GLRA2: variants seen among roughly 807,000 people sequenced by gnomAD.
GLRA2 encodes the protein glycine receptor subunit alpha-2.
Under a neutral mutation model 31.6 loss-of-function variants are expected in GLRA2, and 11 were observed. That is an observed-to-expected ratio of 0.35 (90% confidence interval 0.22 to 0.58). The LOEUF (loss-of-function observed/expected upper bound fraction) is 0.58. Ranked by LOEUF, GLRA2 falls within the 20% of genes least tolerant of loss-of-function variation. The probability of loss-of-function intolerance (pLI) is 0.84; values close to 1 mark genes in which losing one functional copy is unlikely to be tolerated. For synonymous variants in GLRA2, 132 were observed against 134.0 expected, an observed-to-expected ratio of 0.99 and a Z score of 0.10; for missense variants, 212 against 351.8, an observed-to-expected ratio of 0.60 and a Z score of 3.18.
rs183018782 is a variant in GLRA2 at position 14,662,371 on chromosome X, G to A, written c.931-28339G>A. Among the ~76,000 whole-genome samples, 12 of 111,468 alleles carry A rather than the reference G, an allele frequency of 1.1e-4. No individual in the cohort carries two copies. The East Asian group carries it at 3.4e-3, about 31-fold the overall frequency. On this transcript the variant is annotated intron_variant, in intron 7 of 8. Coordinates refer to ENST00000218075, the MANE Select transcript of GLRA2 (RefSeq NM_002063.4). ...TGATTTCAGAGTTGCAGAAAGCTTG[G>A]CTCACATTTTTTTACATTAATTTCA...
intron 4 of GLRA2, among the ~76,000 whole-genome samples, chrX:14,585,502 A>G (rs1023227194): frequency 1.8e-5 from 2 of 111,834 alleles, no homozygotes; most frequent in Admixed American, 9.5e-5. Flanking sequence ...TCAAGGAGTA[A>G]CTAATGCTAA....
the GLRA2 span, among the ~76,000 whole-genome samples, chrX:14,474,087 T>G: frequency 1.8e-5 from 2 of 111,833 alleles, 1 homozygote; most frequent in African/African-American, 6.5e-5. Context: ...TAGGCCTAAG[T>G]GGCTGTGTGT....
At chrX:14,635,240 T>A (rs1018686559) in intron 7 of GLRA2, among the ~76,000 whole-genome samples, 6 of 111,991 alleles carry the variant, frequency 5.4e-5, no homozygotes, top group Non-Finnish European at 1.1e-4. Context: ...TTTTTTAAAA[T>A]GTATAATGTT....
At chrX:14,567,093 G>A (rs766138807) in intron 2 of GLRA2, among the ~76,000 whole-genome samples, 1 of 111,880 alleles carries the variant, frequency 8.9e-6, no homozygotes, top group Admixed American at 9.5e-5. Context: ...CTCTGCTGGT[G>A]CTCTTTTGTC....
At chrX:14,626,184 C>A (rs907671620) in intron 7 of GLRA2, among the ~76,000 whole-genome samples, 6 of 112,069 alleles carry the variant, frequency 5.4e-5, no homozygotes, top group Non-Finnish European at 9.4e-5. Flanking sequence ...ATAGCTTAAG[C>A]AGTTTGTGGA....
intron 2 of GLRA2, among the ~76,000 whole-genome samples, chrX:14,542,411 G>T (rs777752750): frequency 2.7e-5 from 3 of 111,306 alleles, no homozygotes; most frequent in African/African-American, 9.8e-5. Context: ...GGACACAGAG[G>T]CATGCAAGAG....
chrX:14,713,406 G>A (rs1416353277), intron 8 of GLRA2, among the ~76,000 whole-genome samples: 2 of 112,100 alleles, frequency 1.8e-5, no homozygotes, highest in Non-Finnish European at 3.8e-5. Flanking sequence ...AGAAACTGCT[G>A]TGAAAGAATT....
intron 2 of GLRA2, among the ~76,000 whole-genome samples, chrX:14,557,146 C>G (rs571617675): frequency 4.0e-5 from 3 of 74,716 alleles, no homozygotes; most frequent in South Asian, 1.9e-3. Context: ...GACGGAGTCT[C>G]GCTCTGTCGC....
intron 7 of GLRA2, among the ~76,000 whole-genome samples, chrX:14,660,861 C>A (rs1352476045): frequency 8.9e-6 from 1 of 112,305 alleles, no homozygotes; most frequent in Non-Finnish European, 1.9e-5. Context: ...AGCTATGAGA[C>A]ATCAAAGTAG....
chrX:14,704,953 T>C (rs1226927480), intron 8 of GLRA2, among the ~76,000 whole-genome samples: 3 of 112,071 alleles, frequency 2.7e-5, no homozygotes, highest in African/African-American at 9.7e-5. Context: ...GCTGTGGCAA[T>C]TCCCAGGAAG....
At chrX:14,572,112 G>A (rs1189088861) in intron 2 of GLRA2, among the ~76,000 whole-genome samples, 6 of 111,523 alleles carry the variant, frequency 5.4e-5, no homozygotes, top group African/African-American at 2.0e-4. Flanking sequence ...GCAATATATG[G>A]TAACTTAAAA....
intron 2 of GLRA2, among the ~76,000 whole-genome samples, chrX:14,539,516 A>T (rs752167728): frequency 5.4e-5 from 6 of 111,845 alleles, no homozygotes; most frequent in Non-Finnish European, 1.1e-4. Context: ...TGTGCAGTAC[A>T]TGTAAGAACA....
intron 2 of GLRA2, among the ~76,000 whole-genome samples, chrX:14,537,298 G>T (rs1260937403): frequency 9.0e-6 from 1 of 111,574 alleles, no homozygotes; most frequent in Non-Finnish European, 1.9e-5. Context: ...TCTGAGAAAG[G>T]TGACTGGATG....
chrX:14,478,586 C>A, the GLRA2 span, among the ~76,000 whole-genome samples: 3 of 111,998 alleles, frequency 2.7e-5, no homozygotes, highest in Non-Finnish European at 5.6e-5. Flanking sequence ...AAATTGAGAA[C>A]CTGCTATATG....
At chrX:14,521,635 C>A in the GLRA2 span, among the ~76,000 whole-genome samples, 73 of 111,342 alleles carry the variant, frequency 6.6e-4, no homozygotes, top group Admixed American at 1.3e-3. Context: ...AGTGCATGAG[C>A]CATTACCCCA....
At chrX:14,568,709 A>G (rs2375557) in intron 2 of GLRA2, among the ~76,000 whole-genome samples, 51,467 of 98,197 alleles carry the variant, frequency 0.52, 11,475 homozygotes, top group African/African-American at 0.67. Context: ...AAAAAAAAAA[A>G]GAAAAGAAAA....
Position 14,666,361 on chromosome X carries a change from G to A in GLRA2, c.931-24349G>A, listed in dbSNP as rs531976523. 9.8e-5 allele frequency among the ~76,000 whole-genome samples: 11 copies of A among 112,015 alleles called. No homozygotes were observed. In the South Asian group the frequency reaches 4.1e-3, roughly 42 times the overall value. ...AAATTAATAATTAATAGTTTTAGAT[G>A]TAAAGGTAAAACTGAGCTGTTTCAA... On this transcript the variant is annotated intron_variant, in intron 7 of 8. Transcript: ENST00000218075.
Position 14,655,062 on chromosome X carries a change from A to G in GLRA2, c.931-35648A>G, listed in dbSNP as rs755242498. 1.3e-4 allele frequency among the ~76,000 whole-genome samples: 14 copies of G among 111,414 alleles called. No homozygotes were observed. In the South Asian group the frequency reaches 5.4e-3, roughly 43 times the overall value. Reference sequence around the variant, plus strand: ...GAGCTACAATTCAAGATGAGATTTGAGTGGGGACACAGCCAAACCATATCA... The same window carrying G: ...GAGCTACAATTCAAGATGAGATTTGGGTGGGGACACAGCCAAACCATATCA... On this transcript the variant is annotated intron_variant, in intron 7 of 8. Transcript: ENST00000218075.
intron 7 of GLRA2, among the ~76,000 whole-genome samples, chrX:14,626,847 G>A (rs1303400852): frequency 8.9e-6 from 1 of 112,107 alleles, no homozygotes; most frequent in Non-Finnish European, 1.9e-5. Context: ...CAAATCTAAT[G>A]TTGGGGAAAA....
Sources: gnomAD v4.1 joint callset for allele counts (sites outside exome capture counted in the v4.1 genomes callset) on GRCh38, gnomAD v4.1.1 for gene constraint, MANE v1.5 for transcripts, NCBI Gene and HGNC (gene_info 2026-07-23, HGNC 2026-07-21) for gene names.